Variants in CFAP20DC observed in about 807,000 individuals in gnomAD.
The protein encoded by CFAP20DC is CFAP20 domain containing.
A neutral mutation model predicts 101.7 loss-of-function variants in CFAP20DC; 84 were observed. That is an observed-to-expected ratio of 0.83 (90% confidence interval 0.69 to 0.99). The LOEUF is 0.99. CFAP20DC is among the 50% of genes least tolerant of loss of function. The pLI, the probability that CFAP20DC is intolerant of heterozygous loss-of-function variation, is 0.00. For missense variants in CFAP20DC, 1,007 were observed against 970.3 expected, an observed-to-expected ratio of 1.04 and a Z score of -0.50; for synonymous variants, 359 against 351.2, an observed-to-expected ratio of 1.02 and a Z score of -0.25.
Position 58,903,609 on chromosome 3 carries a change from A to C in CFAP20DC, c.550+10099T>G, listed in dbSNP as rs962605684. 3.3e-5 allele frequency among the ~76,000 whole-genome samples: 5 copies of C among 152,302 alleles called. No homozygotes were observed. In the South Asian group the frequency reaches 8.3e-4, roughly 25 times the overall value. ...GGAAGCAAACATGTTCTTCTTCATA[A>C]AGCAGCAGGAGAGAGAAGTGCTGAG... On this transcript the variant is annotated intron_variant, in intron 6 of 16. Coordinates refer to ENST00000482387, the MANE Select transcript of CFAP20DC (RefSeq NM_001394063.1).
chr3:58,896,671 A>G (rs186069098), intron 6 of CFAP20DC, among the ~76,000 whole-genome samples: 6 of 152,272 alleles, frequency 3.9e-5, no homozygotes, highest in Admixed American at 1.3e-4. Flanking sequence ...CGGTTGTTCA[A>G]TTTCCAAGTA....
intron 5 of CFAP20DC, among the ~76,000 whole-genome samples, chr3:58,933,461 G>A (rs1371893821): frequency 6.6e-6 from 1 of 152,116 alleles, no homozygotes; most frequent in African/African-American, 2.4e-5. Flanking sequence ...CAAATCAACA[G>A]AATACACATT....
chr3:58,870,267 T>G lies in CFAP20DC; in HGVS notation c.758A>C (p.Lys253Thr), dbSNP rs762180383. 5.6e-6 allele frequency: 9 copies of G among 1,614,094 alleles called. No homozygotes were observed. The South Asian group carries it at 9.9e-5, about 18-fold the overall frequency. ...TGCGATATGACAAACATCTTGATTTTTACTGTTCCGTGTAATACTTGTTCC... is the reference window on the plus strand; with the variant it reads ...TGCGATATGACAAACATCTTGATTTGTACTGTTCCGTGTAATACTTGTTCC... ...NRGTSITRNS[K>T]NQDVCHIAFG... The change falls in exon 8 of 17, where the codon AAA becomes ACA. Residue 253 changes from lysine to threonine, a missense_variant. Physicochemically the swap from Lys to Thr is moderately conservative, Grantham distance 78 (BLOSUM62 -1). Transcript: ENST00000482387.
chr3:58,916,291 G>A (rs751215699), intron 5 of CFAP20DC, among the ~76,000 whole-genome samples: 1 of 151,942 alleles, frequency 6.6e-6, no homozygotes, highest in Non-Finnish European at 1.5e-5. Flanking sequence ...TCAGGATCCT[G>A]CCCCTTTATT....
At chr3:58,786,826 A>G (rs1234601155) in intron 15 of CFAP20DC, among the ~76,000 whole-genome samples, 1 of 151,496 alleles carries the variant, frequency 6.6e-6, no homozygotes, top group Non-Finnish European at 1.5e-5. Context: ...TGGTAAGAAT[A>G]AATCTGTGAA....
chr3:58,830,688 T>C (rs2076339310), intron 14 of CFAP20DC, among the ~76,000 whole-genome samples: 1 of 152,236 alleles, frequency 6.6e-6, no homozygotes, highest in South Asian at 2.1e-4. Context: ...TTATTTTATA[T>C]TTTCTTTAAA....
At position 59,038,123 on chromosome 3, in the gene CFAP20DC, T is replaced by C. The variant is rs544396456; in HGVS notation, c.278+1434A>G. ...GGGGAACATCACACACCAGGGCCTA[T>C]CAGGGGCTGGGGGGCTAGGGGAGGG... is the stretch of plus-strand genomic sequence containing the variant. On this transcript the variant is annotated intron_variant, in intron 4 of 16. Transcript: ENST00000482387. Among the ~76,000 whole-genome samples, 7 of 152,106 alleles carry C rather than the reference T, an allele frequency of 4.6e-5. No individual in the cohort carries two copies. The South Asian group carries it at 6.2e-4, about 14-fold the overall frequency.
At chr3:58,836,219 A>G (rs987954457) in intron 13 of CFAP20DC, among the ~76,000 whole-genome samples, 7 of 152,214 alleles carry the variant, frequency 4.6e-5, no homozygotes, top group African/African-American at 1.7e-4. Flanking sequence ...ATTGAGAGCT[A>G]TAAAGAAGGA....
In CFAP20DC at chr3:58,897,483, C is replaced by CTGTA. The variant is rs1213249637; in HGVS notation, c.551-12778_551-12775dup. 6.6e-6 allele frequency among the ~76,000 whole-genome samples: 1 copy of CTGTA among 152,148 alleles called. No homozygotes were observed. The highest frequency in any genetic ancestry group is 2.4e-5 in the African/African-American group (1 of 41,442). ...TACTGGGCTGTGTACTTCAGATACACTGTACTTCAGTGTGTTTTTGTAGTG... is the reference window on the plus strand; with the variant it reads ...TACTGGGCTGTGTACTTCAGATACACTGTATGTACTTCAGTGTGTTTTTGTAGTG... On this transcript the variant is annotated intron_variant, in intron 6 of 16. Transcript: ENST00000482387. The surrounding 1 kb of genome is among the most constrained non-coding windows in gnomAD (Gnocchi z 4.4).
intron 6 of CFAP20DC, among the ~76,000 whole-genome samples, chr3:58,902,444 C>A (rs1046265636): frequency 1.1e-4 from 17 of 152,128 alleles, no homozygotes; most frequent in African/African-American, 4.1e-4. Context: ...TCTCTACATC[C>A]TTGCCAACCC....
Position 58,863,644 on chromosome 3 carries a change from T to G in CFAP20DC, c.1507A>C (p.Ile503Leu). Residue 503 changes from isoleucine (I) to leucine (L), a missense_variant, in exon 12 of 17, where the codon ATT becomes CTT. Transcript: ENST00000482387. This position sits in a 1 kb window ranked among gnomAD's most constrained non-coding sequence, Gnocchi z 5.9. ...CTGTTATCCTCTTTTAGATCCAAAA[T>G]AAATGAGAGCTCCTCTGGGGACATA... is the stretch of plus-strand genomic sequence containing the variant. ...QTMSPEELSF[I>L]LDLKEDNSVT... 2 of 1,614,170 alleles carry G rather than the reference T, an allele frequency of 1.2e-6. No homozygotes were observed. Among genetic ancestry groups the G allele is most frequent in the African/African-American group, 2.7e-5 (2 of 75,028 alleles).
chr3:58,932,277 A>C (rs1323774009), intron 5 of CFAP20DC, among the ~76,000 whole-genome samples: 4 of 152,238 alleles, frequency 2.6e-5, no homozygotes, highest in Non-Finnish European at 4.4e-5. Context: ...ACTATGTGAA[A>C]AGACCAAATC....
chr3:58,726,250 T>C (rs1234754020), intron 3 of CFAP20DC: 3 of 152,198 alleles, frequency 2.0e-5, no homozygotes, highest in Admixed American at 1.3e-4. Context: ...AGTTTCTTCA[T>C]AGATGGGATT....
intron 4 of CFAP20DC, among the ~76,000 whole-genome samples, chr3:58,983,435 C>T (rs1576591701): frequency 6.6e-6 from 1 of 152,038 alleles, no homozygotes; most frequent in African/African-American, 2.4e-5. Context: ...TTTTTTAAAG[C>T]ACGAAAACCA....
At chr3:58,849,597 A>G (rs1318031704) in intron 12 of CFAP20DC, among the ~76,000 whole-genome samples, 188 bp from the exon 13 acceptor site, 1 of 152,180 alleles carries the variant, frequency 6.6e-6, no homozygotes, top group African/African-American at 2.4e-5. Context: ...GTTATAAGCC[A>G]TTTGCTAAAA....
intron 4 of CFAP20DC, chr3:59,019,100 T>G (rs1450053776): frequency 1.3e-5 from 2 of 152,120 alleles, no homozygotes; most frequent in Admixed American, 1.3e-4. Context: ...TTTTAAAAAA[T>G]TAACTTTAGA....
chr3:59,049,590 T>A, intron 1 of CFAP20DC, 21 bp downstream of exon 1: 1 of 1,535,474 alleles, frequency 6.5e-7, no homozygotes, highest in South Asian at 1.2e-5. Flanking sequence ...ATAGACAGGT[T>A]GGAGAACCGT....
chr3:58,826,470 G>A (rs1321784264), intron 14 of CFAP20DC, among the ~76,000 whole-genome samples: 1 of 151,930 alleles, frequency 6.6e-6, no homozygotes, highest in East Asian at 1.9e-4. Flanking sequence ...CCTACACTCC[G>A]ACGGGCACTG....
intron 15 of CFAP20DC, among the ~76,000 whole-genome samples, chr3:58,766,781 T>C (rs1199577438): frequency 6.6e-6 from 1 of 152,202 alleles, no homozygotes; most frequent in African/African-American, 2.4e-5. Context: ...CTACCATCAC[T>C]GGGCCTTTGC....
Sources: allele counts gnomAD v4.1 joint callset (sites outside exome capture counted in the v4.1 genomes callset), GRCh38; gene constraint gnomAD v4.1.1; non-coding constraint Gnocchi (gnomAD v3.1); transcripts MANE v1.5; gene names NCBI Gene and HGNC (gene_info 2026-07-23, HGNC 2026-07-21).